FSTL1: variants seen among roughly 807,000 people sequenced by gnomAD.
FSTL1 encodes follistatin-related protein 1.
In FSTL1, 24 loss-of-function variants were observed where a neutral mutation model predicts 45.9. The observed-to-expected ratio is 0.52, with a 90% CI of 0.38 to 0.74. FSTL1 has a LOEUF of 0.74. Ranked by LOEUF, FSTL1 falls within the 30% of genes least tolerant of loss-of-function variation. The pLI is 0.00. For synonymous variants in FSTL1, 120 were observed against 137.6 expected, an observed-to-expected ratio of 0.87 and a Z score of 0.89; for missense variants, 340 against 381.8, an observed-to-expected ratio of 0.89 and a Z score of 0.91.
chr3:120,405,112 A>G, intron 6 of FSTL1, 141 bp from the exon 7 acceptor site: 1 of 620,096 alleles, frequency 1.6e-6, no homozygotes. Flanking sequence ...GGCCTTGGCA[A>G]CAAATGCTCT....
Position 120,392,798 on chromosome 3 carries a change from T to C in FSTL1, c.*4154A>G, listed in dbSNP as rs1936618253. 1 of 152,176 alleles carries C rather than the reference T, an allele frequency of 6.6e-6. No individual in the cohort carries two copies. The highest frequency in any genetic ancestry group is 1.5e-5 in the Non-Finnish European group (1 of 68,034). The allele number at this position is 152,176 out of a possible 1,614,324, so 9.4% of individuals were successfully genotyped here. On this transcript the variant is annotated 3_prime_UTR_variant, in exon 11 of 11. Transcript: ENST00000295633. ...CTCTGAAGGCATCTGCTTAGATCTATCTATGCATTCATATTTTTTCCCTTC... is the reference window on the plus strand; with the variant it reads ...CTCTGAAGGCATCTGCTTAGATCTACCTATGCATTCATATTTTTTCCCTTC...
At chr3:120,425,978 A>G (rs961364809) in intron 2 of FSTL1, among the ~76,000 whole-genome samples, 2 of 152,188 alleles carry the variant, frequency 1.3e-5, no homozygotes, top group Non-Finnish European at 2.9e-5. Flanking sequence ...TGCAAGGAGA[A>G]AAGGGAAGAA....
chr3:120,397,982 C>T (rs1358733592), intron 10 of FSTL1, among the ~76,000 whole-genome samples: 1 of 152,148 alleles, frequency 6.6e-6, no homozygotes, highest in East Asian at 1.9e-4. Flanking sequence ...AAACATTATG[C>T]TAAGTCAAAG....
chr3:120,403,598 C>T (rs1220543112), intron 7 of FSTL1, among the ~76,000 whole-genome samples: 1 of 152,272 alleles, frequency 6.6e-6, no homozygotes, highest in South Asian at 2.1e-4. Context: ...AATGTTCCCC[C>T]CCTTAAGATG....
intron 2 of FSTL1, among the ~76,000 whole-genome samples, chr3:120,418,003 T>C (rs1937216115): frequency 6.6e-6 from 1 of 152,208 alleles, no homozygotes; most frequent in African/African-American, 2.4e-5. Flanking sequence ...GGGAATGCCT[T>C]ATAGAGCTAC....
intron 4 of FSTL1, 135 bp downstream of exon 4, chr3:120,411,719 C>A: frequency 1.3e-6 from 1 of 799,828 alleles, no homozygotes; most frequent in Non-Finnish European, 2.0e-6. Context: ...GCAACTCCAA[C>A]CAACTGGGCG....
At chr3:120,431,436 T>C (rs935521553) in intron 2 of FSTL1, among the ~76,000 whole-genome samples, 1 of 152,236 alleles carries the variant, frequency 6.6e-6, no homozygotes, top group African/African-American at 2.4e-5. Context: ...GGTATGTCTT[T>C]TACACTTACA....
intron 2 of FSTL1, among the ~76,000 whole-genome samples, chr3:120,419,856 T>C (rs2107660138): frequency 6.6e-6 from 1 of 152,282 alleles, no homozygotes; most frequent in South Asian, 2.1e-4. Context: ...CCAGGGCCAA[T>C]GTTAATTTTA....
Position 120,412,049 on chromosome 3 carries a change from A to G in FSTL1, c.169-66T>C, listed in dbSNP as rs533123240. Reference sequence around the variant, plus strand: ...TATCGACACACAGACACACACACACACATACATGCACACACACACACAGAG... The same window carrying G: ...TATCGACACACAGACACACACACACGCATACATGCACACACACACACAGAG... On this transcript the variant is annotated intron_variant, in intron 3 of 10. Coordinates refer to ENST00000295633, the MANE Select transcript of FSTL1 (RefSeq NM_007085.5). 338 of 663,028 alleles carry G rather than the reference A, an allele frequency of 5.1e-4. 5 individuals are homozygous for G. In the East Asian group the frequency reaches 5.8e-3, roughly 11 times the overall value. 41.1% of individuals were successfully genotyped at this position (663,028 alleles called of 1,614,324 possible).
intron 2 of FSTL1, among the ~76,000 whole-genome samples, chr3:120,432,562 G>A (rs971237386): frequency 1.3e-5 from 2 of 151,884 alleles, no homozygotes; most frequent in African/African-American, 4.8e-5. Flanking sequence ...GACTGCATTA[G>A]AAACTCTACA....
chr3:120,408,201 C>T (rs1936983659), intron 6 of FSTL1, among the ~76,000 whole-genome samples: 1 of 152,200 alleles, frequency 6.6e-6, no homozygotes, highest in Non-Finnish European at 1.5e-5. Flanking sequence ...CTGTCCAAGT[C>T]TCCTGGCTCA....
Position 120,410,999 on chromosome 3 carries a change from G to A in FSTL1, c.299-15C>T, listed in dbSNP as rs201535066. 1 of 1,597,698 alleles carries A rather than the reference G, an allele frequency of 6.3e-7. No individual in the cohort carries two copies. The highest frequency in any genetic ancestry group is 1.1e-5 in the South Asian group (1 of 88,836). On this transcript the variant is annotated splice_polypyrimidine_tract_variant and intron_variant, in intron 4 of 10. Coordinates refer to ENST00000295633, the MANE Select transcript of FSTL1 (RefSeq NM_007085.5). ...GGATTTCTTCTCTGCAAGACAAAAAGAGAAAACGTGTAATGCGAAGTGAAG... is the reference window on the plus strand; with the variant it reads ...GGATTTCTTCTCTGCAAGACAAAAAAAGAAAACGTGTAATGCGAAGTGAAG...
At chr3:120,412,815 C>CGTGTGTGT (rs1937086890) in intron 3 of FSTL1, among the ~76,000 whole-genome samples, 1 of 82,778 alleles carries the variant, frequency 1.2e-5, no homozygotes, top group South Asian at 4.7e-4. Context: ...AACACACACA[C>CGTGTGTGT]ATGTGCGCGC....
intron 2 of FSTL1, among the ~76,000 whole-genome samples, chr3:120,428,108 AG>A (rs1436548579): frequency 1.3e-5 from 2 of 152,076 alleles, no homozygotes; most frequent in Admixed American, 1.3e-4. Flanking sequence ...CCAGGAAAAA[AG>A]CTTCTTGCCT....
chr3:120,416,996 T>C (rs533910496), intron 2 of FSTL1, among the ~76,000 whole-genome samples: 1 of 152,214 alleles, frequency 6.6e-6, no homozygotes, highest in Non-Finnish European at 1.5e-5. Context: ...GTAGTGGTGG[T>C]TGCATGAAGG....
At chr3:120,403,927 A>AAAAC (rs1553789449) in intron 7 of FSTL1, among the ~76,000 whole-genome samples, 1 of 126,652 alleles carries the variant, frequency 7.9e-6, no homozygotes, top group African/African-American at 3.1e-5. Context: ...TCTCAAAAAA[A>AAAAC]AAAAAAAAAA....
intron 5 of FSTL1, 62 bp from the exon 6 acceptor site, chr3:120,409,724 AC>A (rs1390142048): frequency 2.6e-6 from 4 of 1,542,246 alleles, no homozygotes; most frequent in Non-Finnish European, 3.6e-6. Context: ...GATATCTGGC[AC>A]CCACTGTGTG....
intron 2 of FSTL1, among the ~76,000 whole-genome samples, chr3:120,446,254 A>C (rs970959590): frequency 1.3e-5 from 2 of 152,106 alleles, no homozygotes; most frequent in Admixed American, 1.3e-4. Context: ...GACTTCAAAG[A>C]CTTTCTTTTC....
intron 4 of FSTL1, 36 bp downstream of exon 4, chr3:120,411,818 C>A (rs756649712): frequency 1.9e-6 from 3 of 1,594,050 alleles, no homozygotes; most frequent in Non-Finnish European, 1.7e-6. Context: ...CTCCCCGTGG[C>A]TAAAGCTGCC....
Sources: allele counts gnomAD v4.1 joint callset (sites outside exome capture counted in the v4.1 genomes callset), GRCh38; gene constraint gnomAD v4.1.1; transcripts MANE v1.5; gene names NCBI Gene and HGNC (gene_info 2026-07-23, HGNC 2026-07-21).